The following UGT2B10 variants were observed in gnomAD, a reference collection of about 807,000 sequenced individuals.
UGT2B10 encodes UDP-glucuronosyltransferase 2B10.
UGT2B10 carries 51 observed loss-of-function variants against 43.7 expected under a neutral mutation model. The observed-to-expected ratio is 1.17, with a 90% confidence interval of 0.93 to 1.47. The LOEUF (loss-of-function observed/expected upper bound fraction) is 1.47. UGT2B10 is among the 40% of genes most tolerant of loss of function. UGT2B10 has a pLI of 0.00. For missense variants in UGT2B10, 696 were observed against 617.7 expected, an observed-to-expected ratio of 1.13 and a Z score of -1.34; for synonymous variants, 225 against 209.0, an observed-to-expected ratio of 1.08 and a Z score of -0.66.
rs1737199088 is a variant in UGT2B10, at chr4:68,816,308, T to C, written c.289T>C (p.Ser97Pro). 3 of 1,613,148 alleles carry C rather than the reference T, an allele frequency of 1.9e-6. No individual in the cohort carries two copies. The highest frequency in any genetic ancestry group is 2.5e-6 in the Non-Finnish European group (3 of 1,179,426). Residue 97 changes from serine to proline, a missense_variant, in exon 1 of 6, where the codon TCA becomes CCA. By Grantham distance (74) the Ser-to-Pro change is moderately conservative (BLOSUM62 -1). Transcript: ENST00000265403. ...NIIMQLVKRL[S>P]EIQKDTFWLP... ...CATCATGCAATTGGTTAAGAGATTG[T>C]CAGAAATTCAAAAAGATACATTTTG...
In UGT2B10 at chr4:68,818,167, C is replaced by G. The variant is rs373059693; in HGVS notation, c.857C>G (p.Pro286Arg). Reference protein sequence around the residue: ...VGGLHCKPAKPLPKEMEEFVQ... With the variant: ...VGGLHCKPAKRLPKEMEEFVQ... ...GGACTCCACTGCAAACCTGCCAAAC[C>G]CCTACCTAAGGTAAACATACTTTCG... The change falls in exon 2 of 6, where the codon CCC becomes CGC. Residue 286 changes from proline (P) to arginine (R), a missense_variant. Pro to Arg is a moderately radical substitution (Grantham distance 103). Coordinates refer to ENST00000265403, the MANE Select transcript of UGT2B10 (RefSeq NM_001075.6). The G allele has an allele frequency of 8.1e-6, 13 of 1,609,548 alleles. No homozygotes were observed. Among genetic ancestry groups the G allele is most frequent in the Non-Finnish European group, 1.1e-5 (13 of 1,177,792 alleles).
chr4:68,818,621 A>C (rs1391352921), intron 2 of UGT2B10, among the ~76,000 whole-genome samples: 1 of 5,518 alleles, frequency 1.8e-4, no homozygotes, highest in South Asian at 0.12. Flanking sequence ...TTATCTCAAG[A>C]AAAAAACCCA....
At chr4:68,823,049 C>T (rs1737589481) in intron 3 of UGT2B10, among the ~76,000 whole-genome samples, 1 of 151,894 alleles carries the variant, frequency 6.6e-6, no homozygotes, top group East Asian at 1.9e-4. Flanking sequence ...AAATATGTGG[C>T]AACAAATAGA....
rs138970162 is a variant in UGT2B10 at position 68,830,878 on chromosome 4, A to G, written c.1586A>G (p.Ter529TrpextTer13). 1 of 1,611,914 alleles carries G rather than the reference A, an allele frequency of 6.2e-7. No homozygotes were observed. Among genetic ancestry groups the G allele is most frequent in the East Asian group, 2.2e-5 (1 of 44,728 alleles). ...ARKGKKGKRD[*>W] ...AAAGGAAAGAAGGGAAAAAGGGATT[A>G]GTTATATCTGAGATTTGAAGCTGGA... Residue 529 changes from the stop codon to tryptophan, a stop_lost, in exon 6 of 6, where the codon TAG becomes TGG. Transcript: ENST00000265403.
At chr4:68,829,355 C>T (rs1166856434) in intron 5 of UGT2B10, among the ~76,000 whole-genome samples, 4 of 152,006 alleles carry the variant, frequency 2.6e-5, no homozygotes, top group Non-Finnish European at 5.9e-5. Context: ...GAGAGCTATT[C>T]TAGGCAGGTT....
At chr4:68,828,893 T>C (rs142704759) in intron 5 of UGT2B10, among the ~76,000 whole-genome samples, 6,666 of 151,962 alleles carry the variant, frequency 0.044, 208 homozygotes, top group African/African-American at 0.083. Flanking sequence ...TAAGGGAGGT[T>C]ATAAATACTA....
At position 68,831,981 on chromosome 4, in the gene UGT2B10, T is replaced by A. The variant is rs1738117922; in HGVS notation, c.*1102T>A. Reference sequence around the variant, plus strand: ...ATGACTTAGGATTCTGGATCTCTTATGAATAACAAATTTATCCTTAATAAA... The same window carrying A: ...ATGACTTAGGATTCTGGATCTCTTAAGAATAACAAATTTATCCTTAATAAA... On this transcript the variant is annotated 3_prime_UTR_variant, in exon 6 of 6. Coordinates refer to ENST00000265403, the MANE Select transcript of UGT2B10 (RefSeq NM_001075.6). Among the ~76,000 whole-genome samples, 1 of 152,086 alleles carries A rather than the reference T, an allele frequency of 6.6e-6. No homozygotes were observed. Among genetic ancestry groups the A allele is most frequent in the South Asian group, 2.1e-4 (1 of 4,832 alleles).
rs781651115 is a variant in UGT2B10 at position 68,816,292 on chromosome 4, A to G, written c.273A>G (p.Gln91=). The G allele has an allele frequency of 1.9e-5, 31 of 1,612,990 alleles. No individual in the cohort carries two copies. Among genetic ancestry groups the G allele is most frequent in the Non-Finnish European group, 2.5e-5 (29 of 1,179,416 alleles). ...TKTEFENIIM[Q]LVKRLSEIQK... is the part of the protein sequence containing the mutation. ...CTGAATTTGAGAATATCATCATGCA[A>G]TTGGTTAAGAGATTGTCAGAAATTC... is the stretch of plus-strand genomic sequence containing the variant. Residue 91 remains glutamine (Q), a synonymous_variant, in exon 1 of 6, where the codon CAA becomes CAG. Transcript: ENST00000265403.
chr4:68,816,825 G>A, intron 1 of UGT2B10, 88 bp downstream of exon 1: 1 of 1,146,792 alleles, frequency 8.7e-7, no homozygotes. Flanking sequence ...AGTCAGGGAA[G>A]TGGAGTTTTT....
Position 68,831,045 on chromosome 4 carries a change from A to C in UGT2B10, c.*166A>C. ...TTTGTTTTTCAGAGATTTACCACCC[A>C]GTTAATGGTTAGAAATATTCTGTGG... On this transcript the variant is annotated 3_prime_UTR_variant, in exon 6 of 6. Transcript: ENST00000265403. 1.2e-6 allele frequency: 1 copy of C among 856,838 alleles called. No individual in the cohort carries two copies. Among genetic ancestry groups the C allele is most frequent in the East Asian group, 2.7e-5 (1 of 37,244 alleles). The allele number at this position is 856,838 out of a possible 1,614,324, so 53.1% of individuals were successfully genotyped here.
intron 2 of UGT2B10, among the ~76,000 whole-genome samples, chr4:68,819,613 T>A (rs979959596): frequency 6.6e-6 from 1 of 151,964 alleles, no homozygotes; most frequent in African/African-American, 2.4e-5. Context: ...GCAGATGATT[T>A]CTGCCTTATG....
Position 68,816,524 on chromosome 4 carries a change from TAC to T in UGT2B10, c.507_508del (p.Tyr169Ter). ...TGAGCTATTTAACATACCCTTTGTGTACAGTCACAGCTTCAGTCCTGGCTACT... is the reference window on the plus strand; with the variant it reads ...TGAGCTATTTAACATACCCTTTGTGTAGTCACAGCTTCAGTCCTGGCTACT... Reference protein sequence around the residue: ...LAELFNIPFVYSHSFSPGYSF... With the variant: ...LAELFNIPFVXSHSFSPGYSF... On this transcript the variant is annotated frameshift_variant, in exon 1 of 6. Transcript: ENST00000265403. LOFTEE classifies it high-confidence loss of function. The T allele has an allele frequency of 6.2e-7, 1 of 1,613,188 alleles. No homozygotes were observed. Among genetic ancestry groups the T allele is most frequent in the Non-Finnish European group, 8.5e-7 (1 of 1,179,400 alleles).
chr4:68,829,753 G>A (rs1335117614), intron 5 of UGT2B10, among the ~76,000 whole-genome samples: 1 of 152,058 alleles, frequency 6.6e-6, no homozygotes, highest in Non-Finnish European at 1.5e-5. Context: ...ACCTTTGGAA[G>A]CTTAAAGAAA....
In UGT2B10 at chr4:68,830,691, A is replaced by G. The variant is rs1738043597; in HGVS notation, c.1399A>G (p.Met467Val). The G allele has an allele frequency of 8.7e-6, 14 of 1,613,392 alleles. No homozygotes were observed. The highest frequency in any genetic ancestry group is 1.1e-5 in the Non-Finnish European group (13 of 1,179,486). ...DRAVFWIEFV[M>V]RHKGAKHLRV... ...AGCAGTCTTCTGGATTGAATTTGTC[A>G]TGCGCCACAAAGGAGCCAAACATCT... is the stretch of plus-strand genomic sequence containing the variant. The change falls in exon 6 of 6, where the codon ATG (methionine) becomes GTG (valine). Residue 467 changes from methionine to valine, a missense_variant. By Grantham distance (21) the Met-to-Val change is conservative (BLOSUM62 1). Transcript: ENST00000265403.
At position 68,826,434 on chromosome 4, in the gene UGT2B10, A is replaced by T. The variant is rs1281407879; in HGVS notation, c.1024A>T (p.Lys342Ter). The T allele has an allele frequency of 3.7e-6, 6 of 1,611,720 alleles. No individual in the cohort carries two copies. Among genetic ancestry groups the T allele is most frequent in the Non-Finnish European group, 5.1e-6 (6 of 1,179,170 alleles). The change falls in exon 4 of 6, where the codon AAA becomes TAA. Residue 342 changes from lysine to a stop codon, truncating the protein, a stop_gained. Coordinates refer to ENST00000265403, the MANE Select transcript of UGT2B10 (RefSeq NM_001075.6). LOFTEE classifies it high-confidence loss of function. ...GGTTCTTTGGAGATTTGATGGGAAT[A>T]AACCAGATGCCTTAGGTCTCAATAC... ...QKVLWRFDGN[K>*]PDALGLNTRL...
chr4:68,825,258 T>C lies in UGT2B10; in HGVS notation c.1000-1152T>C, dbSNP rs544266369. On this transcript the variant is annotated intron_variant, in intron 3 of 5. Transcript: ENST00000265403. The stretch of plus-strand genomic sequence containing the variant: ...CATTACTAAATTGTTACTTTTTTTA[T>C]ACCAGAATTACAATGACTCCCTATA... Among the ~76,000 whole-genome samples the C allele has an allele frequency of 1.4e-4, 21 of 149,200 alleles. No homozygotes were observed. The South Asian group carries it at 4.5e-3, about 32-fold the overall frequency.
At position 68,820,846 on chromosome 4, in the gene UGT2B10, A is replaced by G. The variant is rs560021011; in HGVS notation, c.868-1425A>G. ...TTCTTACTGTTATAAAATTTCTTAC[A>G]TTAACTTTGTAGTATTTTTATAACA... is the stretch of plus-strand genomic sequence containing the variant. On this transcript the variant is annotated intron_variant, in intron 2 of 5. Transcript: ENST00000265403. 7.2e-5 allele frequency among the ~76,000 whole-genome samples: 11 copies of G among 152,280 alleles called. No homozygotes were observed. In the South Asian group the frequency reaches 1.9e-3, roughly 26 times the overall value.
rs538433985 is a variant in UGT2B10, at chr4:68,827,265, G to A, written c.1088-64G>A. 1.0e-4 allele frequency: 168 copies of A among 1,609,458 alleles called. 2 individuals are homozygous for A. The South Asian group carries it at 1.4e-3, about 13-fold the overall frequency. On this transcript the variant is annotated intron_variant, in intron 4 of 5. Transcript: ENST00000265403. ...TCTAGAAAACACTGTCACTTTCAGAGCCTTTCATTGTGCATCTCATTTTAT... is the reference window on the plus strand; with the variant it reads ...TCTAGAAAACACTGTCACTTTCAGAACCTTTCATTGTGCATCTCATTTTAT...
intron 2 of UGT2B10, among the ~76,000 whole-genome samples, chr4:68,818,449 G>T (rs1291138505): frequency 4.6e-5 from 7 of 151,622 alleles, no homozygotes; most frequent in Non-Finnish European, 1.5e-5. Flanking sequence ...AGAAGGTATT[G>T]GTCATTCATT....
Sources: allele counts gnomAD v4.1 joint callset (sites outside exome capture counted in the v4.1 genomes callset), GRCh38; gene constraint gnomAD v4.1.1; transcripts MANE v1.5; gene names NCBI Gene and HGNC (gene_info 2026-07-23, HGNC 2026-07-21).